KIAA1755: variants seen among roughly 807,000 people sequenced by gnomAD.
KIAA1755 encodes the protein KIAA1755.
KIAA1755 carries 68 observed loss-of-function variants against 91.7 expected under a neutral mutation model. The observed-to-expected ratio is 0.74, with a 90% CI of 0.61 to 0.91. The LOEUF (loss-of-function observed/expected upper bound fraction) is 0.91, where lower values mean the gene tolerates loss of function less well. Among genes scored for constraint, KIAA1755 ranks in the 40% least tolerant of loss-of-function variants. The pLI is 0.00. For synonymous variants in KIAA1755, 610 were observed against 604.6 expected (o/e 1.01, Z -0.13); for missense variants, 1,535 against 1,494.4 (o/e 1.03, Z -0.45).
At chr20:38,241,986 G>A in intron 2 of KIAA1755, 57 bp from the exon 3 acceptor site, 1 of 1,538,192 alleles carries the variant, frequency 6.5e-7, no homozygotes, top group Non-Finnish European at 8.8e-7. Context: ...TCCACCCTTG[G>A]ATTTGCTCCT....
Position 38,219,687 on chromosome 20 carries a change from G to A in KIAA1755, c.2499C>T (p.Leu833=). ...GGACACGGAGCTCCAGCTTCCCCAG[G>A]AGGCTGTTGGAAGCGGTGACCAGAA... ...LHVLVTASNS[L]LGKLELRVRL... Residue 833 remains leucine (L), a synonymous_variant, in exon 11 of 14, where the codon CTC becomes CTT. Coordinates refer to ENST00000279024, the MANE Select transcript of KIAA1755 (RefSeq NM_001029864.2). 6.2e-7 allele frequency: 1 copy of A among 1,614,192 alleles called. No individual in the cohort carries two copies. Among genetic ancestry groups the A allele is most frequent in the Admixed American group, 1.7e-5 (1 of 60,032 alleles).
intron 8 of KIAA1755, among the ~76,000 whole-genome samples, chr20:38,224,642 C>T (rs1318380023): frequency 6.6e-6 from 1 of 152,134 alleles, no homozygotes; most frequent in Non-Finnish European, 1.5e-5. Flanking sequence ...AAGCATGCCG[C>T]AATACACAAG....
intron 7 of KIAA1755, among the ~76,000 whole-genome samples, chr20:38,226,540 C>T (rs533920465): frequency 6.6e-6 from 1 of 152,268 alleles, no homozygotes; most frequent in East Asian, 1.9e-4. Flanking sequence ...CACCTCCAGC[C>T]CACAATCTGC....
chr20:38,224,047 C>A (rs905439417), intron 8 of KIAA1755, among the ~76,000 whole-genome samples: 9 of 152,178 alleles, frequency 5.9e-5, no homozygotes, highest in African/African-American at 1.9e-4. Flanking sequence ...AGTCCCACTT[C>A]GGCCCAGCTC....
chr20:38,213,596 C>A lies in KIAA1755; in HGVS notation c.3049G>T (p.Val1017Leu), dbSNP rs555113009. The A allele has an allele frequency of 6.2e-7, 1 of 1,608,994 alleles. No individual in the cohort carries two copies. Among genetic ancestry groups the A allele is most frequent in the Non-Finnish European group, 8.5e-7 (1 of 1,177,566 alleles). The change falls in exon 14 of 14, where the codon GTG (valine) becomes TTG (leucine). Residue 1017 changes from valine to leucine, a missense_variant. Transcript: ENST00000279024. ...CTCAGGGAGGCCACCTGCAGCCCCA[C>A]GGCTGCGAGCTTCTCAGCAGGGAAC... ...SEFPAEKLAA[V>L]GLQVASLSRA...
chr20:38,244,397 G>T (rs1310440922), intron 2 of KIAA1755, among the ~76,000 whole-genome samples: 3 of 152,166 alleles, frequency 2.0e-5, no homozygotes, highest in Non-Finnish European at 4.4e-5. Context: ...CTTTCCTTCT[G>T]GTTCCTAACC....
At position 38,212,821 on chromosome 20, in the gene KIAA1755, G is replaced by A. The variant is rs370035366; in HGVS notation, c.*221C>T. On this transcript the variant is annotated 3_prime_UTR_variant, in exon 14 of 14. Transcript: ENST00000279024. Reference sequence around the variant, plus strand: ...CCATTTATTGTGCCCTGGTTCTGACGCCCACTCTTGCTATTCTGCATGGGT... The same window carrying A: ...CCATTTATTGTGCCCTGGTTCTGACACCCACTCTTGCTATTCTGCATGGGT... 2.4e-4 allele frequency: 118 copies of A among 485,522 alleles called. No individual in the cohort carries two copies. Among genetic ancestry groups the A allele is most frequent in the African/African-American group, 2.0e-3 (106 of 52,800 alleles). 30.1% of individuals were successfully genotyped at this position (485,522 alleles called of 1,614,324 possible).
intron 1 of KIAA1755, among the ~76,000 whole-genome samples, chr20:38,258,766 G>A (rs1336597009): frequency 6.6e-6 from 1 of 152,180 alleles, no homozygotes; most frequent in Non-Finnish European, 1.5e-5. Flanking sequence ...GTGAGGCCAG[G>A]GAGGTAGGCT....
chr20:38,255,033 C>G (rs1359624251), intron 1 of KIAA1755, among the ~76,000 whole-genome samples: 1 of 151,936 alleles, frequency 6.6e-6, no homozygotes, highest in Admixed American at 6.6e-5. Flanking sequence ...AAAAACTAGC[C>G]GGGTGTGGTG....
In KIAA1755 at chr20:38,245,919, C is replaced by T. The variant is rs1323310723; in HGVS notation, c.201+10G>A. ...GCTTGTTCCCTGTCCCTGTTTCCCT[C>T]TTGACTTACACAGGCTGCTTCTCGC... On this transcript the variant is annotated intron_variant, in intron 2 of 13. Transcript: ENST00000279024. The T allele has an allele frequency of 6.2e-7, 1 of 1,613,868 alleles. No individual in the cohort carries two copies. The highest frequency in any genetic ancestry group is 1.1e-5 in the South Asian group (1 of 91,066).
rs2075676633 is a variant in KIAA1755, at chr20:38,222,465, A to AGTCCAGCCTGCTGGCATCATG, written c.2380_2400dup (p.His794_Asp800dup). The AGTCCAGCCTGCTGGCATCATG allele has an allele frequency of 1.2e-6, 2 of 1,613,084 alleles. No individual in the cohort carries two copies. The highest frequency in any genetic ancestry group is 8.5e-7 in the Non-Finnish European group (1 of 1,179,976). On this transcript the variant is annotated inframe_insertion, in exon 10 of 14. Coordinates refer to ENST00000279024, the MANE Select transcript of KIAA1755 (RefSeq NM_001029864.2). ...CGTCTGTACCTGACATCAGGGCTGA[A>AGTCCAGCCTGCTGGCATCATG]GTCCAGCCTGCTGGCATCATGCTGC...
intron 2 of KIAA1755, among the ~76,000 whole-genome samples, chr20:38,244,153 A>G (rs1475939151): frequency 6.6e-6 from 1 of 152,240 alleles, no homozygotes; most frequent in Non-Finnish European, 1.5e-5. Flanking sequence ...TACCTTGAGG[A>G]AGCGGCCAGT....
Position 38,239,739 on chromosome 20 carries a change from A to G in KIAA1755, c.1550-14T>C. ...GAGTTGTTCCAGCTGGGAAAAAGCA[A>G]CAACAAAGAAAAGGACGTTAAGCAG... On this transcript the variant is annotated splice_polypyrimidine_tract_variant and intron_variant, in intron 3 of 13. Transcript: ENST00000279024. 1 of 1,609,128 alleles carries G rather than the reference A, an allele frequency of 6.2e-7. No homozygotes were observed. The highest frequency in any genetic ancestry group is 8.5e-7 in the Non-Finnish European group (1 of 1,179,442).
chr20:38,249,890 A>C (rs1279139797), intron 1 of KIAA1755, among the ~76,000 whole-genome samples: 6 of 134,646 alleles, frequency 4.5e-5, no homozygotes, highest in South Asian at 2.4e-4. Flanking sequence ...TGCCCTCCCC[A>C]CTCCCTCCCT....
At chr20:38,223,443 C>T (rs921070666) in intron 9 of KIAA1755, 95 bp downstream of exon 9, 1 of 771,208 alleles carries the variant, frequency 1.3e-6, no homozygotes, top group Admixed American at 3.8e-5. Flanking sequence ...ATAATGTCCT[C>T]CCCCTTTTCC....
chr20:38,228,032 TC>T, intron 6 of KIAA1755, 114 bp downstream of exon 6: 2 of 630,218 alleles, frequency 3.2e-6, no homozygotes, highest in Non-Finnish European at 5.0e-6. Context: ...GCAGTAAAAG[TC>T]CCTGCCTGAG....
In KIAA1755 at chr20:38,222,411, A is replaced by T. The variant is rs1421193779; in HGVS notation, c.2417+38T>A. ...AGCTCCAAGCTCCTGGGCCAGAAACAGGATGGGGTGGAAGAGGAAAGGCCT... is the reference window on the plus strand; with the variant it reads ...AGCTCCAAGCTCCTGGGCCAGAAACTGGATGGGGTGGAAGAGGAAAGGCCT... On this transcript the variant is annotated intron_variant, in intron 10 of 13. Coordinates refer to ENST00000279024, the MANE Select transcript of KIAA1755 (RefSeq NM_001029864.2). 6.9e-6 allele frequency: 11 copies of T among 1,595,626 alleles called. No homozygotes were observed. The Admixed American group carries it at 1.9e-4, about 27-fold the overall frequency.
At chr20:38,259,975 A>G (rs1339495964) in intron 1 of KIAA1755, among the ~76,000 whole-genome samples, 1 of 152,098 alleles carries the variant, frequency 6.6e-6, no homozygotes, top group Admixed American at 6.5e-5. Flanking sequence ...CTGACTTTCC[A>G]TAGCTGAGTC....
At chr20:38,216,277 C>T (rs1886938627) in intron 13 of KIAA1755, among the ~76,000 whole-genome samples, 1 of 152,218 alleles carries the variant, frequency 6.6e-6, no homozygotes, top group African/African-American at 2.4e-5. Flanking sequence ...CTGGGGGAGC[C>T]CTTTGCTGCC....
Sources: gnomAD v4.1 joint callset for allele counts (sites outside exome capture counted in the v4.1 genomes callset) on GRCh38, gnomAD v4.1.1 for gene constraint, MANE v1.5 for transcripts, NCBI Gene and HGNC (gene_info 2026-07-23, HGNC 2026-07-21) for gene names.